IGFBP7: variants seen among roughly 807,000 people sequenced by gnomAD.
IGFBP7 encodes the protein insulin like growth factor binding protein 7.
In IGFBP7, 31 loss-of-function variants were observed where a neutral mutation model predicts 29.4. The observed-to-expected ratio is 1.05, with a 90% CI of 0.79 to 1.42. The LOEUF is 1.42. Ranked by LOEUF, IGFBP7 falls within the 40% of genes most tolerant of loss-of-function variation. The probability of loss-of-function intolerance (pLI) is 0.00; values close to 1 mark genes in which losing one functional copy is unlikely to be tolerated. For synonymous variants in IGFBP7, 172 were observed against 174.9 expected, an observed-to-expected ratio of 0.98 and a Z score of 0.13; for missense variants, 393 against 395.5, an observed-to-expected ratio of 0.99 and a Z score of 0.05.
chr4:57,048,542 G>T, intron 1 of IGFBP7, among the ~76,000 whole-genome samples: 1 of 152,198 alleles, frequency 6.6e-6, no homozygotes, highest in Non-Finnish European at 1.5e-5. Context: ...AAGAAAGGCA[G>T]TTCTCACAAA....
At chr4:57,034,505 C>G (rs950643657) in intron 2 of IGFBP7, among the ~76,000 whole-genome samples, 1 of 151,800 alleles carries the variant, frequency 6.6e-6, no homozygotes, top group Admixed American at 6.6e-5. Flanking sequence ...TATAATAAAG[C>G]AAATCTTAAT....
intron 1 of IGFBP7, among the ~76,000 whole-genome samples, chr4:57,100,071 C>CTTTTTTTTTTTT (rs10669251): frequency 2.6e-5 from 3 of 115,752 alleles, no homozygotes; most frequent in African/African-American, 3.4e-5. Flanking sequence ...TCTTTTCTTT[C>CTTTTTTTTTTTT]TTTTTTTTTT....
At position 57,051,852 on chromosome 4, in the gene IGFBP7, T is replaced by C. The variant is rs548701554; in HGVS notation, c.476-10919A>G. Among the ~76,000 whole-genome samples the C allele has an allele frequency of 2.6e-5, 4 of 152,306 alleles. No individual in the cohort carries two copies. In the South Asian group the frequency reaches 8.3e-4, roughly 32 times the overall value. ...TACCTGGCATGGGGTAAACATTCAG[T>C]AAGTATGAGCTGTTGCTTTTCATTT... On this transcript the variant is annotated intron_variant, in intron 1 of 4. Coordinates refer to ENST00000295666, the MANE Select transcript of IGFBP7 (RefSeq NM_001553.3).
At chr4:57,098,908 C>G (rs989021397) in intron 1 of IGFBP7, among the ~76,000 whole-genome samples, 1 of 152,242 alleles carries the variant, frequency 6.6e-6, no homozygotes, top group African/African-American at 2.4e-5. Flanking sequence ...GGAACAGGCT[C>G]TGAATCCTGC....
intron 2 of IGFBP7, among the ~76,000 whole-genome samples, chr4:57,033,687 C>G (rs944290136): frequency 6.6e-6 from 1 of 152,158 alleles, no homozygotes; most frequent in African/African-American, 2.4e-5. Flanking sequence ...TCACCCAGCA[C>G]TAGGTTTGAT....
intron 1 of IGFBP7, among the ~76,000 whole-genome samples, chr4:57,102,204 T>A (rs762390802): frequency 6.6e-5 from 10 of 152,100 alleles, no homozygotes; most frequent in Non-Finnish European, 1.3e-4. Flanking sequence ...CATCCAAGGG[T>A]GTTCTGTCAC....
chr4:57,095,825 G>A (rs563425605), intron 1 of IGFBP7, among the ~76,000 whole-genome samples: 2 of 152,304 alleles, frequency 1.3e-5, no homozygotes, highest in East Asian at 3.9e-4. Flanking sequence ...AAGCTGAGCA[G>A]AGCCGCCTCT....
chr4:57,086,837 G>A lies in IGFBP7; in HGVS notation c.475+23040C>T, dbSNP rs545518544. ...CAACCTCCGCCTCCCAAGTTCAAGC[G>A]ATTCTCCTGCCTCAGCCTTCTGAGC... On this transcript the variant is annotated intron_variant, in intron 1 of 4. Coordinates refer to ENST00000295666, the MANE Select transcript of IGFBP7 (RefSeq NM_001553.3). Among the ~76,000 whole-genome samples the A allele has an allele frequency of 2.4e-4, 37 of 152,244 alleles. No individual in the cohort carries two copies. The South Asian group carries it at 5.2e-3, about 21-fold the overall frequency.
At chr4:57,078,114 G>A (rs780847208) in intron 1 of IGFBP7, among the ~76,000 whole-genome samples, 17 of 151,618 alleles carry the variant, frequency 1.1e-4, no homozygotes, top group African/African-American at 3.6e-4. Context: ...TTCCTGCCAC[G>A]CACCACCCAC....
chr4:57,032,669 G>T, intron 3 of IGFBP7, 117 bp from the exon 4 acceptor site: 2 of 830,128 alleles, frequency 2.4e-6, no homozygotes, highest in Non-Finnish European at 4.1e-6. Flanking sequence ...CATAGCAAAG[G>T]TACTGCTAGA....
At chr4:57,084,050 T>C (rs1482506677) in intron 1 of IGFBP7, among the ~76,000 whole-genome samples, 1 of 152,214 alleles carries the variant, frequency 6.6e-6, no homozygotes. Flanking sequence ...TCCTATACAG[T>C]AAAATACAAA....
At chr4:57,086,124 G>T (rs1725492534) in intron 1 of IGFBP7, among the ~76,000 whole-genome samples, 1 of 152,172 alleles carries the variant, frequency 6.6e-6, no homozygotes, top group East Asian at 1.9e-4. Context: ...GAGGAGCAAA[G>T]GTACATCTTA....
At chr4:57,045,075 A>G (rs1189088778) in intron 1 of IGFBP7, among the ~76,000 whole-genome samples, 1 of 152,224 alleles carries the variant, frequency 6.6e-6, no homozygotes, top group Non-Finnish European at 1.5e-5. Context: ...AGGGGATTCA[A>G]TATTAGGACA....
chr4:57,078,288 C>T (rs1048714954), intron 1 of IGFBP7, among the ~76,000 whole-genome samples: 1 of 152,106 alleles, frequency 6.6e-6, no homozygotes, highest in Non-Finnish European at 1.5e-5. Context: ...ACAGAAAGGT[C>T]GAGTAACTTG....
At chr4:57,068,117 A>G (rs1225380868) in intron 1 of IGFBP7, among the ~76,000 whole-genome samples, 1 of 152,010 alleles carries the variant, frequency 6.6e-6, no homozygotes. Flanking sequence ...TCTTGAGTCC[A>G]GGAGTTCAAG....
chr4:57,082,327 G>A (rs1351460002), intron 1 of IGFBP7, among the ~76,000 whole-genome samples: 2 of 152,174 alleles, frequency 1.3e-5, no homozygotes, highest in African/African-American at 2.4e-5. Flanking sequence ...CTTTTGACCA[G>A]TGTGGGTCCC....
chr4:57,104,633 A>G (rs559029643), intron 1 of IGFBP7, among the ~76,000 whole-genome samples: 59 of 152,366 alleles, frequency 3.9e-4, no homozygotes, highest in African/African-American at 1.3e-3. Context: ...TTTAAAACTC[A>G]TCAAATAAAA....
At chr4:57,093,921 T>C (rs1342460306) in intron 1 of IGFBP7, among the ~76,000 whole-genome samples, 4 of 152,188 alleles carry the variant, frequency 2.6e-5, no homozygotes. Context: ...CAGATGTAAA[T>C]GTACCTTTGT....
At chr4:57,068,121 G>A (rs1367767800) in intron 1 of IGFBP7, among the ~76,000 whole-genome samples, 1 of 151,994 alleles carries the variant, frequency 6.6e-6, no homozygotes, top group Non-Finnish European at 1.5e-5. Context: ...GAGTCCAGGA[G>A]TTCAAGACCA....
Sources: allele counts gnomAD v4.1 joint callset (sites outside exome capture counted in the v4.1 genomes callset), GRCh38; gene constraint gnomAD v4.1.1; transcripts MANE v1.5; gene names NCBI Gene and HGNC (gene_info 2026-07-23, HGNC 2026-07-21).